The following ARHGEF3 variants were observed in gnomAD, a reference collection of about 807,000 sequenced individuals.
ARHGEF3 encodes the protein Rho guanine nucleotide exchange factor 3, also known as 59.8 kDA protein.
ARHGEF3 carries 28 observed loss-of-function variants against 63.2 expected under a neutral mutation model. That is an observed-to-expected ratio of 0.44 (90% confidence interval 0.33 to 0.61). The LOEUF (loss-of-function observed/expected upper bound fraction) is 0.61, where lower values mean the gene tolerates loss of function less well. Among genes scored for constraint, ARHGEF3 ranks in the 20% least tolerant of loss-of-function variants. ARHGEF3 has a pLI of 0.03. For synonymous variants in ARHGEF3, 266 were observed against 254.2 expected (o/e 1.05, Z -0.44); for missense variants, 533 against 659.3 (o/e 0.81, Z 2.10).
intron 4 of ARHGEF3, among the ~76,000 whole-genome samples, chr3:56,824,288 G>T (rs1184575997): frequency 6.6e-6 from 1 of 152,180 alleles, no homozygotes; most frequent in Non-Finnish European, 1.5e-5. Context: ...ATTTTGTTGT[G>T]GTGGTATTTA....
chr3:56,788,301 G>A (rs1380769765), intron 1 of ARHGEF3, among the ~76,000 whole-genome samples: 1 of 152,138 alleles, frequency 6.6e-6, no homozygotes, highest in Non-Finnish European at 1.5e-5. Context: ...GAAATTGCCT[G>A]CTTCTCCCCC....
At chr3:56,973,269 G>T (rs1426906011) in intron 2 of ARHGEF3, among the ~76,000 whole-genome samples, 1 of 152,012 alleles carries the variant, frequency 6.6e-6, no homozygotes, top group African/African-American at 2.4e-5. Context: ...CGCGCGCCTC[G>T]GCCTCCCAAA....
intron 3 of ARHGEF3, among the ~76,000 whole-genome samples, chr3:56,950,781 A>T (rs1210255950): frequency 6.6e-6 from 1 of 152,036 alleles, no homozygotes; most frequent in African/African-American, 2.4e-5. Flanking sequence ...ATTACTGGGT[A>T]TATACCCAAA....
intron 3 of ARHGEF3, among the ~76,000 whole-genome samples, chr3:56,939,226 A>T (rs938293366): frequency 6.6e-6 from 1 of 152,210 alleles, no homozygotes; most frequent in Admixed American, 6.5e-5. Context: ...ACAGGCAGAA[A>T]GAGAAATAAA....
intron 2 of ARHGEF3, among the ~76,000 whole-genome samples, chr3:57,012,567 T>C (rs1702747255): frequency 6.6e-6 from 1 of 152,228 alleles, no homozygotes; most frequent in Non-Finnish European, 1.5e-5. Flanking sequence ...CCACTCTTTG[T>C]AGTTTATCAA....
intron 4 of ARHGEF3, among the ~76,000 whole-genome samples, chr3:56,813,074 T>G (rs1412743400): frequency 6.6e-6 from 1 of 152,240 alleles, no homozygotes; most frequent in Non-Finnish European, 1.5e-5. Context: ...CAAGGATTGC[T>G]CTGGTGCCAG....
chr3:56,736,841 C>A (rs887004134), intron 8 of ARHGEF3, among the ~76,000 whole-genome samples: 2 of 152,082 alleles, frequency 1.3e-5, no homozygotes, highest in African/African-American at 4.8e-5. Flanking sequence ...GCCTGTAATT[C>A]CAGCACTTTC....
chr3:56,827,373 G>T (rs1254064100), intron 4 of ARHGEF3, among the ~76,000 whole-genome samples: 1 of 152,098 alleles, frequency 6.6e-6, no homozygotes, highest in Non-Finnish European at 1.5e-5. Context: ...GAGATAGCAG[G>T]GTGTTTATGA....
chr3:56,972,271 AC>A (rs1700946980), intron 2 of ARHGEF3, among the ~76,000 whole-genome samples: 1 of 152,086 alleles, frequency 6.6e-6, no homozygotes, highest in Non-Finnish European at 1.5e-5. Flanking sequence ...TCAGCTTCCA[AC>A]TTGAAAATGG....
At chr3:56,732,486 G>A (rs1279340164) in intron 8 of ARHGEF3, 62 bp from the exon 9 acceptor site, 4 of 1,573,498 alleles carry the variant, frequency 2.5e-6, no homozygotes, top group Non-Finnish European at 3.5e-6. Context: ...TTGATATGTG[G>A]ACCTCTGTGG....
chr3:56,918,709 G>C (rs2042047784), intron 3 of ARHGEF3, among the ~76,000 whole-genome samples: 1 of 152,202 alleles, frequency 6.6e-6, no homozygotes, highest in African/African-American at 2.4e-5. Context: ...AATAGTAAGA[G>C]GCTCTGATCC....
At chr3:56,932,152 A>T (rs1285477878) in intron 3 of ARHGEF3, among the ~76,000 whole-genome samples, 2 of 152,042 alleles carry the variant, frequency 1.3e-5, no homozygotes, top group African/African-American at 4.8e-5. Context: ...GTTGGGGAGG[A>T]TTTTTATTCT....
chr3:56,848,802 G>A (rs577231711), intron 4 of ARHGEF3, among the ~76,000 whole-genome samples: 8 of 152,212 alleles, frequency 5.3e-5, no homozygotes, highest in Middle Eastern at 6.8e-3. Flanking sequence ...CGAGTAGCTG[G>A]GATTACAGGT....
intron 8 of ARHGEF3, among the ~76,000 whole-genome samples, chr3:56,736,966 G>A (rs1311438338): frequency 3.2e-4 from 48 of 152,098 alleles, no homozygotes; most frequent in Admixed American, 2.9e-3. Flanking sequence ...ATGGTGGTGC[G>A]TGCCTGCAGT....
intron 2 of ARHGEF3, among the ~76,000 whole-genome samples, chr3:56,974,122 A>G (rs563923139): frequency 6.6e-6 from 1 of 152,276 alleles, no homozygotes; most frequent in South Asian, 2.1e-4. Context: ...GAGAACAGCC[A>G]CTTCATTATC....
intron 3 of ARHGEF3, among the ~76,000 whole-genome samples, chr3:56,923,054 ATATATATATATATATAT>A (rs1560053791): frequency 0.011 from 207 of 18,336 alleles, 5 homozygotes; most frequent in African/African-American, 0.02. Context: ...ATATATATAT[ATATATATATATATATAT>A]ATATAAATTA....
chr3:56,910,929 G>T (rs1380230454), intron 3 of ARHGEF3, among the ~76,000 whole-genome samples: 1 of 152,162 alleles, frequency 6.6e-6, no homozygotes, highest in Non-Finnish European at 1.5e-5. Context: ...AAGAAACTGA[G>T]GCCCAGAGAG....
intron 4 of ARHGEF3, among the ~76,000 whole-genome samples, chr3:56,852,251 G>A (rs565673130): frequency 1.3e-5 from 2 of 152,280 alleles, no homozygotes; most frequent in Middle Eastern, 3.4e-3. Flanking sequence ...CCTCTGTGAT[G>A]AAGTCTCCAG....
At chr3:56,911,984 C>T (rs916927538) in intron 3 of ARHGEF3, among the ~76,000 whole-genome samples, 23 of 150,728 alleles carry the variant, frequency 1.5e-4, no homozygotes, top group South Asian at 8.4e-4. Flanking sequence ...TATATACACA[C>T]ATATATATAT....
Sources: allele counts gnomAD v4.1 joint callset (sites outside exome capture counted in the v4.1 genomes callset), GRCh38; gene constraint gnomAD v4.1.1; transcripts MANE v1.5; gene names NCBI Gene and HGNC (gene_info 2026-07-23, HGNC 2026-07-21).